The following SLC28A1 variants were observed in gnomAD, a reference collection of about 807,000 sequenced individuals.
The protein encoded by SLC28A1 is sodium/nucleoside cotransporter 1.
A neutral mutation model predicts 74.8 loss-of-function variants in SLC28A1; 64 were observed. That is an observed-to-expected ratio of 0.86 (90% CI 0.70 to 1.05). The LOEUF (loss-of-function observed/expected upper bound fraction) is 1.05. Among genes scored for constraint, SLC28A1 ranks in the 50% least tolerant of loss-of-function variants. The pLI is 0.00. For missense variants in SLC28A1, 828 were observed against 822.8 expected, an observed-to-expected ratio of 1.01 and a Z score of -0.08; for synonymous variants, 359 against 335.0, an observed-to-expected ratio of 1.07 and a Z score of -0.78.
chr15:84,893,532 A>C (rs752473427), intron 5 of SLC28A1, among the ~76,000 whole-genome samples: 3 of 151,208 alleles, frequency 2.0e-5, no homozygotes, highest in Non-Finnish European at 4.4e-5. Flanking sequence ...ATTTCTGTCC[A>C]TTTGGAACCT....
chr15:84,950,710 A>G (rs1596384372), downstream of SLC28A1, among the ~76,000 whole-genome samples: 1 of 152,274 alleles, frequency 6.6e-6, no homozygotes, highest in East Asian at 1.9e-4. Context: ...TCTTAAAAGA[A>G]AAAGAAAAAG....
chr15:84,912,800 G>A (rs113510510), intron 9 of SLC28A1, among the ~76,000 whole-genome samples: 2,086 of 51,612 alleles, frequency 0.04, 56 homozygotes, highest in African/African-American at 0.11. Flanking sequence ...CAAATTTTGC[G>A]CGCGCGCACA....
chr15:84,944,505 C>T (rs539708019), intron 16 of SLC28A1, 61 bp from the exon 17 acceptor site: 35 of 1,168,868 alleles, frequency 3.0e-5, no homozygotes, highest in Middle Eastern at 2.6e-4. Flanking sequence ...GCCCGAGCTG[C>T]GGAACGCGGG....
At chr15:84,915,472 G>C (rs55700704) in intron 9 of SLC28A1, among the ~76,000 whole-genome samples, 5,295 of 152,252 alleles carry the variant, frequency 0.035, 127 homozygotes, top group Non-Finnish European at 0.048. Flanking sequence ...GCCCTTGCCG[G>C]GCCCTCACCA....
intron 9 of SLC28A1, among the ~76,000 whole-genome samples, chr15:84,917,877 G>C (rs1969333657): frequency 6.6e-6 from 1 of 152,164 alleles, no homozygotes; most frequent in Non-Finnish European, 1.5e-5. Flanking sequence ...GGAAAAGAGG[G>C]AATGGGTGTG....
the SLC28A1 span, among the ~76,000 whole-genome samples, chr15:84,955,268 G>C: frequency 6.6e-6 from 1 of 152,156 alleles, no homozygotes; most frequent in Non-Finnish European, 1.5e-5. Context: ...CTAAATTCCT[G>C]AGACAGTGAA....
At position 84,884,769 on chromosome 15, in the gene SLC28A1, T is replaced by G. The variant is rs1318446965; in HGVS notation, c.-133+18T>G. On this transcript the variant is annotated intron_variant, in intron 1 of 18. Transcript: ENST00000394573. ...AAACAAGGGTGAGAGAAAAGGACAG[T>G]AGGAGAGGAGGGAAGGCGGGACTGA... 1.0e-6 allele frequency: 1 copy of G among 983,024 alleles called. No individual in the cohort carries two copies. Among genetic ancestry groups the G allele is most frequent in the East Asian group, 1.1e-4 (1 of 8,778 alleles). The allele number at this position is 983,024 out of a possible 1,614,324, so 60.9% of individuals were successfully genotyped here.
At chr15:84,970,047 G>T in the SLC28A1 span, among the ~76,000 whole-genome samples, 2 of 152,212 alleles carry the variant, frequency 1.3e-5, no homozygotes, top group South Asian at 4.1e-4. Flanking sequence ...GTAGCAAAGA[G>T]TTCAAATGTT....
intron 6 of SLC28A1, among the ~76,000 whole-genome samples, chr15:84,899,186 A>AG (rs1402102329): frequency 2.0e-5 from 3 of 151,628 alleles, no homozygotes; most frequent in Non-Finnish European, 4.4e-5. Context: ...GTAGCAGAGA[A>AG]AAAAAAAATC....
At position 84,912,806 on chromosome 15, in the gene SLC28A1, G is replaced by GCACACACACACA. The variant is rs199525878; in HGVS notation, c.795+4042_795+4053dup. On this transcript the variant is annotated intron_variant, in intron 9 of 18. Transcript: ENST00000394573. ...CAACAGTGCCAAATTTTGCGCGCGC[G>GCACACACACACA]CACACACACACACACACACACACAC... Among the ~76,000 whole-genome samples, 122 of 112,290 alleles carry GCACACACACACA rather than the reference G, an allele frequency of 1.1e-3. 1 individual carries two copies. The highest frequency in any genetic ancestry group is 2.7e-3 in the African/African-American group (81 of 29,982). 73.7% of individuals were successfully genotyped at this position (112,290 alleles called of 152,430 possible). A position where few individuals can be genotyped will look rare whatever the true frequency, so the allele number is the denominator to read the frequency against.
chr15:84,956,153 T>C, the SLC28A1 span, among the ~76,000 whole-genome samples: 10 of 152,228 alleles, frequency 6.6e-5, no homozygotes, highest in African/African-American at 9.6e-5. Context: ...CATACTGCTA[T>C]TTTCTCAAAT....
In SLC28A1 at chr15:84,925,536, G is replaced by C. The variant is rs1043870094; in HGVS notation, c.1083+1426G>C. The stretch of plus-strand genomic sequence containing the variant: ...AATCACTTGAAACTGGGAGGCGGAG[G>C]TTGCAGTGAACTGAGATCGCACCAC... On this transcript the variant is annotated intron_variant, in intron 12 of 18. Transcript: ENST00000394573. 2.6e-5 allele frequency among the ~76,000 whole-genome samples: 4 copies of C among 152,104 alleles called. No homozygotes were observed. In the East Asian group the frequency reaches 7.7e-4, roughly 29 times the overall value.
intron 6 of SLC28A1, 122 bp downstream of exon 6, chr15:84,895,245 C>A: frequency 6.4e-7 from 1 of 1,570,138 alleles, no homozygotes; most frequent in Non-Finnish European, 8.7e-7. Context: ...AACTCTCTGG[C>A]GCCCCAGGGC....
intron 3 of SLC28A1, 63 bp downstream of exon 3, chr15:84,887,919 C>A: frequency 1.6e-6 from 2 of 1,218,190 alleles, no homozygotes; most frequent in Non-Finnish European, 2.4e-6. Context: ...GCCCGGCTGC[C>A]GAGGTGATGA....
intron 12 of SLC28A1, among the ~76,000 whole-genome samples, chr15:84,931,215 C>G (rs1288705812): frequency 6.6e-6 from 1 of 152,054 alleles, no homozygotes; most frequent in Non-Finnish European, 1.5e-5. Context: ...CTGCCCTCTG[C>G]TTTTATCAGC....
At chr15:84,902,523 C>G (rs540513849) in intron 6 of SLC28A1, among the ~76,000 whole-genome samples, 2 of 151,180 alleles carry the variant, frequency 1.3e-5, no homozygotes, top group African/African-American at 4.9e-5. Context: ...GAAAACATAT[C>G]AACTGTTACC....
intron 12 of SLC28A1, chr15:84,926,704 G>A (rs1294169615): frequency 9.2e-6 from 3 of 325,308 alleles, no homozygotes; most frequent in South Asian, 2.3e-5. Context: ...TGAGAGTGAG[G>A]TGGCCTGTAT....
At chr15:84,954,413 A>G in the SLC28A1 span, among the ~76,000 whole-genome samples, 2 of 152,248 alleles carry the variant, frequency 1.3e-5, no homozygotes, top group African/African-American at 4.8e-5. Flanking sequence ...ATCTGAGATA[A>G]TAGAAATAAT....
intron 6 of SLC28A1, among the ~76,000 whole-genome samples, chr15:84,901,159 C>T (rs62020869): frequency 0.23 from 35,575 of 151,850 alleles, 4,566 homozygotes; most frequent in Middle Eastern, 0.33. Flanking sequence ...GAGGCAGAGC[C>T]ACGGTGCCTG....
Sources: gnomAD v4.1 joint callset for allele counts (sites outside exome capture counted in the v4.1 genomes callset) on GRCh38, gnomAD v4.1.1 for gene constraint, MANE v1.5 for transcripts, NCBI Gene and HGNC (gene_info 2026-07-23, HGNC 2026-07-21) for gene names.